Variants in ACAP3 observed in about 807,000 individuals in gnomAD.
ACAP3 encodes arf-GAP with coiled-coil, ANK repeat and PH domain-containing protein 3.
ACAP3 carries 56 observed loss-of-function variants against 104.1 expected under a neutral mutation model. The observed-to-expected ratio is 0.54, with a 90% CI of 0.43 to 0.67. The LOEUF is 0.67. Ranked by LOEUF, ACAP3 falls within the 30% of genes least tolerant of loss-of-function variation. ACAP3 has a pLI of 0.00. For missense variants in ACAP3, 1,208 were observed against 1,174.9 expected, an observed-to-expected ratio of 1.03 and a Z score of -0.41; for synonymous variants, 628 against 496.2, an observed-to-expected ratio of 1.27 and a Z score of -3.53.
rs1641000483 is a variant in ACAP3, at chr1:1,294,195, G to T, written c.2144C>A (p.Ser715Tyr). The T allele has an allele frequency of 6.3e-7, 1 of 1,581,686 alleles. No homozygotes were observed. The highest frequency in any genetic ancestry group is 1.3e-5 in the African/African-American group (1 of 74,264). The stretch of plus-strand genomic sequence containing the variant: ...CAGCAGGAACTCACAGACGATCAAG[G>T]AGCCCTGGGGAGCCGGGGCAACTCA... ...TPLVQAVLGG[S>Y]LIVCEFLLQN... The change falls in exon 22 of 24, where the codon TCC (serine) becomes TAC (tyrosine). Residue 715 changes from serine (S) to tyrosine (Y), a missense_variant. By Grantham distance (144) the Ser-to-Tyr change is moderately radical. Transcript: ENST00000354700.
chr1:1,294,280 G>A, intron 21 of ACAP3, 81 bp from the exon 22 acceptor site: 2 of 1,512,436 alleles, frequency 1.3e-6, no homozygotes, highest in Non-Finnish European at 1.8e-6. Flanking sequence ...GGCCTTGGGC[G>A]CCCCCAGCCG....
At chr1:1,294,352 A>G in intron 21 of ACAP3, 50 bp downstream of exon 21, 1 of 1,534,228 alleles carries the variant, frequency 6.5e-7, no homozygotes, top group Admixed American at 2.1e-5. Flanking sequence ...AGAAGATGCA[A>G]ACGCGACTGT....
chr1:1,307,883 G>A lies in ACAP3; in HGVS notation c.-68C>T, dbSNP rs1243722523. 2.1e-4 allele frequency: 196 copies of A among 921,770 alleles called. 8 individuals are homozygous for A. In the East Asian group the frequency reaches 0.021, roughly 99 times the overall value. The allele number at this position is 921,770 out of a possible 1,614,324, so 57.1% of individuals were successfully genotyped here. On this transcript the variant is annotated 5_prime_UTR_variant, in exon 1 of 24. Coordinates refer to ENST00000354700, the MANE Select transcript of ACAP3 (RefSeq NM_030649.3). ...GCCGAGCGGCAGCCGCGCCGGCCCGGACCGCTCGTCCCGCCCGCGCCGCCT... is the reference window on the plus strand; with the variant it reads ...GCCGAGCGGCAGCCGCGCCGGCCCGAACCGCTCGTCCCGCCCGCGCCGCCT...
intron 10 of ACAP3, 100 bp downstream of exon 10, chr1:1,299,245 G>A: frequency 6.9e-7 from 1 of 1,451,676 alleles, no homozygotes; most frequent in Non-Finnish European, 9.4e-7. Flanking sequence ...GGTGGGAGGT[G>A]TCCTTGGTGC....
intron 6 of ACAP3, 76 bp downstream of exon 6, chr1:1,300,433 C>A (rs1641393291): frequency 6.9e-7 from 1 of 1,458,338 alleles, no homozygotes; most frequent in Non-Finnish European, 9.3e-7. Flanking sequence ...AAAATCCCTC[C>A]AGTTCTGTAC....
intron 16 of ACAP3, 45 bp from the exon 17 acceptor site, chr1:1,296,154 C>G (rs1270317744): frequency 1.9e-6 from 3 of 1,608,176 alleles, no homozygotes; most frequent in Non-Finnish European, 2.5e-6. Context: ...AACCTGCAGA[C>G]CCCAGCTCCC....
rs145087137 is a variant in ACAP3 at position 1,303,203 on chromosome 1, G to A, written c.184C>T (p.Arg62Cys). 15,428 of 1,606,916 alleles carry A rather than the reference G, an allele frequency of 9.6e-3. 142 individuals are homozygous for A. Among genetic ancestry groups the A allele is most frequent in the Admixed American group, 0.041 (2,429 of 59,262 alleles). The change falls in exon 3 of 24, where the codon CGC becomes TGC. Residue 62 changes from arginine (R) to cysteine (C), a missense_variant. Arg to Cys is a radical substitution (Grantham distance 180). Coordinates refer to ENST00000354700, the MANE Select transcript of ACAP3 (RefSeq NM_030649.3). This position sits in a 1 kb window ranked among gnomAD's most constrained non-coding sequence, Gnocchi z 4.0. ...CCCTGGCACTGCTGGGACAGGTCGC[G>A]GACGCCGCTCACGAAAAGCCTGCTG... ...STSRLFVSGV[R>C]DLSQQCQGDT...
chr1:1,294,408 C>G lies in ACAP3; in HGVS notation c.2133G>C (p.Val711=). The G allele has an allele frequency of 6.3e-7, 1 of 1,574,888 alleles. No individual in the cohort carries two copies. Among genetic ancestry groups the G allele is most frequent in the Non-Finnish European group, 8.6e-7 (1 of 1,165,362 alleles). The stretch of plus-strand genomic sequence containing the variant: ...GCCCCCGTGGCTCGCTCACCCCTAG[C>G]ACGGCCTGCACCAGCGGCGTCTTGC... ...DEGKTPLVQA[V]LGGSLIVCEF... Residue 711 remains valine, a synonymous_variant, in exon 21 of 24, where the codon GTG becomes GTC. Coordinates refer to ENST00000354700, the MANE Select transcript of ACAP3 (RefSeq NM_030649.3).
chr1:1,307,462 G>A, intron 1 of ACAP3: 1 of 1,291,624 alleles, frequency 7.7e-7, no homozygotes, highest in Non-Finnish European at 1.0e-6. Flanking sequence ...CTGGACTGCA[G>A]GGCCCGGGAG....
intron 15 of ACAP3, 33 bp downstream of exon 15, chr1:1,296,392 C>A: frequency 6.5e-7 from 1 of 1,531,558 alleles, no homozygotes. Flanking sequence ...TCCAGCCCAA[C>A]CCCCACCCCC....
In ACAP3 at chr1:1,295,827, G is replaced by T; in HGVS notation, c.1614C>A (p.Cys538Ter). The change falls in exon 18 of 24, where the codon TGC (cysteine) becomes TGA (stop). Residue 538 changes from cysteine (C) to a stop codon, truncating the protein, a stop_gained. Transcript: ENST00000354700. LOFTEE classifies it high-confidence loss of function. ...EAPRRWRVQK[C>*]LRPHSSPRAP... is the part of the protein sequence containing the mutation. ...CGCGGGGAGAGCTGTGGGGCCGCAG[G>T]CACTTCTGCACCCTCCAGCGTCTTG... 6.2e-7 allele frequency: 1 copy of T among 1,610,980 alleles called. No homozygotes were observed.
In ACAP3 at chr1:1,300,554, G is replaced by A. The variant is rs916792701; in HGVS notation, c.477C>T (p.Leu159=). The A allele has an allele frequency of 9.3e-6, 15 of 1,612,204 alleles. No homozygotes were observed. Among genetic ancestry groups the A allele is most frequent in the Non-Finnish European group, 1.3e-5 (15 of 1,179,744 alleles). The change falls in exon 6 of 24, where the codon CTC becomes CTT. Residue 159 remains leucine (L), a synonymous_variant. Transcript: ENST00000354700. ...CCAGGTGGCGGAAGCACTTCCTGGT[G>A]AGGGTGAGGGCCCCGGTGGCTTCCT... ...EVEEATGALT[L]TRKCFRHLAL...
intron 4 of ACAP3, among the ~76,000 whole-genome samples, chr1:1,302,354 G>A (rs915717891): frequency 6.6e-6 from 1 of 152,148 alleles, no homozygotes; most frequent in Non-Finnish European, 1.5e-5. Flanking sequence ...CCACCCTGGG[G>A]TGCCCATCCC....
At chr1:1,300,362 A>C in intron 6 of ACAP3, 147 bp downstream of exon 6, 1 of 1,223,206 alleles carries the variant, frequency 8.2e-7, no homozygotes. Flanking sequence ...ATGGTCCTGG[A>C]CTGCTTCCCC....
In ACAP3 at chr1:1,298,835, G is replaced by A. The variant is rs1641315953; in HGVS notation, c.751-156C>T. 3 of 639,430 alleles carry A rather than the reference G, an allele frequency of 4.7e-6. No individual in the cohort carries two copies. The South Asian group carries it at 5.4e-5, about 12-fold the overall frequency. The allele number at this position is 639,430 out of a possible 1,614,324, so 39.6% of individuals were successfully genotyped here. On this transcript the variant is annotated intron_variant, in intron 10 of 23. Transcript: ENST00000354700. ...GACGAGAGACCCTCTGTTCACCACA[G>A]CCACTTCTTGACCTGAGCAAGGCCC...
chr1:1,307,306 T>G (rs1303657869), intron 1 of ACAP3: 1 of 1,289,136 alleles, frequency 7.8e-7, no homozygotes. Context: ...CCTGGGTCAT[T>G]CAAACCACTT....
At chr1:1,306,640 G>A (rs1423462083) in intron 1 of ACAP3, among the ~76,000 whole-genome samples, 2 of 152,184 alleles carry the variant, frequency 1.3e-5, no homozygotes, top group Admixed American at 6.5e-5. Flanking sequence ...CTTGCCAGCA[G>A]ATCCCAAGAG....
At chr1:1,296,663 C>T (rs746331567) in intron 14 of ACAP3, 30 bp from the exon 15 acceptor site, 72 of 1,520,252 alleles carry the variant, frequency 4.7e-5, no homozygotes, top group South Asian at 1.2e-4. Flanking sequence ...TGCTCGGTCC[C>T]GCAGGGGCTC....
At position 1,295,781 on chromosome 1, in the gene ACAP3, C is replaced by T. The variant is rs1392480694; in HGVS notation, c.1660G>A (p.Val554Ile). The T allele has an allele frequency of 1.9e-6, 3 of 1,608,620 alleles. No homozygotes were observed. The African/African-American group carries it at 4.0e-5, about 21-fold the overall frequency. ...CAGGGCAGAACGGGCTCAAGCCGGACCTTGCGGCGGGCAGTGGGAGCGCGG... is the reference window on the plus strand; with the variant it reads ...CAGGGCAGAACGGGCTCAAGCCGGATCTTGCGGCGGGCAGTGGGAGCGCGG... ...SPRAPTARRK[V>I]RLEPVLPCVA... is the part of the protein sequence containing the mutation. The change falls in exon 18 of 24, where the codon GTC (valine) becomes ATC (isoleucine). Residue 554 changes from valine to isoleucine, a missense_variant. Transcript: ENST00000354700.
Sources: gnomAD v4.1 joint callset for allele counts (sites outside exome capture counted in the v4.1 genomes callset) on GRCh38, gnomAD v4.1.1 for gene constraint, Gnocchi (gnomAD v3.1) non-coding constraint, MANE v1.5 for transcripts, NCBI Gene and HGNC (gene_info 2026-07-23, HGNC 2026-07-21) for gene names.